Variants in FAM78B observed in about 807,000 individuals in gnomAD.
FAM78B encodes the protein protein FAM78B.
A neutral mutation model predicts 20.0 loss-of-function variants in FAM78B; 10 were observed. The ratio of observed to expected loss-of-function variants is 0.50; its 90% CI spans 0.31 to 0.85. FAM78B has a LOEUF of 0.85. FAM78B is among the 40% of genes least tolerant of loss of function. The pLI is 0.05. For missense variants in FAM78B, 283 were observed against 345.0 expected (o/e 0.82, Z 1.42); for synonymous variants, 135 against 132.8 (o/e 1.02, Z -0.12).
chr1:166,082,236 C>T (rs1328537335), intron 1 of FAM78B, among the ~76,000 whole-genome samples: 2 of 152,216 alleles, frequency 1.3e-5, no homozygotes, highest in African/African-American at 4.8e-5. Flanking sequence ...TTCTGGCTCT[C>T]TAGACTTCAG....
At position 166,165,967 on chromosome 1, in the gene FAM78B, C is replaced by A; in HGVS notation, c.263+19G>T. 6.2e-7 allele frequency: 1 copy of A among 1,613,298 alleles called. No homozygotes were observed. Among genetic ancestry groups the A allele is most frequent in the Non-Finnish European group, 8.5e-7 (1 of 1,179,812 alleles). On this transcript the variant is annotated intron_variant, in intron 1 of 1. Coordinates refer to ENST00000354422, the MANE Select transcript of FAM78B (RefSeq NM_001017961.5). ...GGGGGCCCAGAGTCCGCTCCCGTGC[C>A]GCGCGGCGAGTCGCTTACATGCCCA...
intron 1 of FAM78B, among the ~76,000 whole-genome samples, chr1:166,164,508 TAC>T (rs1435524464): frequency 3.9e-5 from 6 of 152,252 alleles, no homozygotes; most frequent in African/African-American, 1.4e-4. Flanking sequence ...TCTGGAAGAA[TAC>T]AGTGTGCTGA....
Position 166,137,500 on chromosome 1 carries a change from C to CT in FAM78B, c.263+28485dup, listed in dbSNP as rs35647634. On this transcript the variant is annotated intron_variant, in intron 1 of 1. Transcript: ENST00000354422. ...AGGATTCTTGACTGTAAGTCCAGTA[C>CT]TTTTTTTTTTTTTAACTATGTTGGC... 6.7e-3 allele frequency among the ~76,000 whole-genome samples: 999 copies of CT among 149,784 alleles called. 9 individuals carry two copies. The highest frequency in any genetic ancestry group is 0.035 in the East Asian group (177 of 5,118).
intron 1 of FAM78B, among the ~76,000 whole-genome samples, chr1:166,110,705 AGAG>A: frequency 6.6e-6 from 1 of 152,292 alleles, no homozygotes; most frequent in Non-Finnish European, 1.5e-5. Context: ...CTGCTTTTAG[AGAG>A]TAGAGCCTAT....
chr1:166,123,571 T>C (rs1039273932), intron 1 of FAM78B, among the ~76,000 whole-genome samples: 11 of 152,260 alleles, frequency 7.2e-5, no homozygotes, highest in African/African-American at 2.7e-4. Flanking sequence ...CCAAGCTCCT[T>C]AGTCTACTAG....
intron 1 of FAM78B, among the ~76,000 whole-genome samples, chr1:166,158,045 T>A (rs1655985214): frequency 6.6e-6 from 1 of 152,224 alleles, no homozygotes; most frequent in Admixed American, 6.5e-5. Flanking sequence ...TTACTCTGTT[T>A]CCAAAGGAGT....
intron 2 of FAM78B, among the ~76,000 whole-genome samples, chr1:166,063,229 G>T (rs2101942823): frequency 6.6e-6 from 1 of 152,330 alleles, no homozygotes; most frequent in Admixed American, 6.5e-5. Context: ...ACTCTGTTTA[G>T]CCTGACACAT....
chr1:166,074,345 T>C (rs1255572495), intron 1 of FAM78B, among the ~76,000 whole-genome samples: 1 of 152,182 alleles, frequency 6.6e-6, no homozygotes, highest in Non-Finnish European at 1.5e-5. Flanking sequence ...AGAATCACCA[T>C]ATGTATCACC....
At chr1:166,141,892 T>G (rs1302084490) in intron 1 of FAM78B, among the ~76,000 whole-genome samples, 2 of 152,152 alleles carry the variant, frequency 1.3e-5, no homozygotes, top group Non-Finnish European at 2.9e-5. Context: ...TATCATCCAA[T>G]GCTGGATGAG....
Position 166,069,641 on chromosome 1 carries a change from A to C in FAM78B, c.*600T>G, listed in dbSNP as rs1651936950. 6.6e-6 allele frequency: 1 copy of C among 152,252 alleles called. No homozygotes were observed. Among genetic ancestry groups the C allele is most frequent in the Non-Finnish European group, 1.5e-5 (1 of 68,066 alleles). 9.4% of individuals were successfully genotyped at this position (152,252 alleles called of 1,614,324 possible). On this transcript the variant is annotated 3_prime_UTR_variant, in exon 2 of 2. Coordinates refer to ENST00000354422, the MANE Select transcript of FAM78B (RefSeq NM_001017961.5). The stretch of plus-strand genomic sequence containing the variant: ...AAGGAGGCTTTCTCCCTCAGAAAGG[A>C]GCAAATATCAGTATTTGTCTAGTTT...
chr1:166,084,594 C>T (rs958022388), intron 1 of FAM78B, among the ~76,000 whole-genome samples: 2 of 152,166 alleles, frequency 1.3e-5, no homozygotes. Context: ...GTTGCTTCTC[C>T]CAGAATACAG....
Position 166,164,071 on chromosome 1 carries a change from T to C in FAM78B, c.263+1915A>G, listed in dbSNP as rs180962125. ...CTACCATGTCTGTTTATATCTCAAC[T>C]TGACTTCTCCTAAGGTAAAGTAAGT... is the stretch of plus-strand genomic sequence containing the variant. On this transcript the variant is annotated intron_variant, in intron 1 of 1. Transcript: ENST00000354422. Among the ~76,000 whole-genome samples, 238 of 152,368 alleles carry C rather than the reference T, an allele frequency of 1.6e-3. 1 individual carries two copies. The highest frequency in any genetic ancestry group is 5.4e-3 in the African/African-American group (224 of 41,584).
chr1:166,086,922 C>A (rs1309388530), intron 1 of FAM78B, among the ~76,000 whole-genome samples: 1 of 152,152 alleles, frequency 6.6e-6, no homozygotes, highest in Admixed American at 6.5e-5. Context: ...CTAAATGTTC[C>A]CCCAGTGTGG....
chr1:166,060,985 T>C (rs1042867638), intron 2 of FAM78B, among the ~76,000 whole-genome samples: 1 of 152,192 alleles, frequency 6.6e-6, no homozygotes, highest in Non-Finnish European at 1.5e-5. Flanking sequence ...AGACCCCCAA[T>C]GGCATTGTTT....
At chr1:166,133,557 T>A (rs1220298601) in intron 1 of FAM78B, among the ~76,000 whole-genome samples, 1 of 151,980 alleles carries the variant, frequency 6.6e-6, no homozygotes, top group African/African-American at 2.4e-5. Flanking sequence ...TATTAAAATA[T>A]TTGCAACTTT....
chr1:166,071,131 G>A (rs2101710181), intron 1 of FAM78B, among the ~76,000 whole-genome samples: 1 of 152,300 alleles, frequency 6.6e-6, no homozygotes, highest in South Asian at 2.1e-4. Flanking sequence ...TGTGAATAAG[G>A]TTTGCTTTTT....
At chr1:166,163,966 G>A (rs754928688) in intron 1 of FAM78B, among the ~76,000 whole-genome samples, 79 of 152,192 alleles carry the variant, frequency 5.2e-4, no homozygotes, top group Non-Finnish European at 8.7e-4. Flanking sequence ...GGAAGGGTCA[G>A]GAATCCTGTC....
intron 1 of FAM78B, among the ~76,000 whole-genome samples, chr1:166,080,386 G>C (rs1480424023): frequency 1.3e-5 from 2 of 152,178 alleles, no homozygotes; most frequent in African/African-American, 4.8e-5. Flanking sequence ...TGTTTACACA[G>C]GCACAGCAGG....
downstream of FAM78B, among the ~76,000 whole-genome samples, chr1:166,066,718 A>G (rs932894446): frequency 6.6e-6 from 1 of 152,178 alleles, no homozygotes; most frequent in African/African-American, 2.4e-5. Flanking sequence ...CTTTTATTTT[A>G]CTGATCAGAA....
Sources: allele counts gnomAD v4.1 joint callset (sites outside exome capture counted in the v4.1 genomes callset), GRCh38; gene constraint gnomAD v4.1.1; transcripts MANE v1.5; gene names NCBI Gene and HGNC (gene_info 2026-07-23, HGNC 2026-07-21).